The following ZNF286A variants were observed in gnomAD, a reference collection of about 807,000 sequenced individuals.
ZNF286A encodes the protein zinc finger protein 286A.
In ZNF286A, 34 loss-of-function variants were observed where a neutral mutation model predicts 49.3. That is an observed-to-expected ratio of 0.69 (90% CI 0.52 to 0.92). ZNF286A has a LOEUF of 0.92. ZNF286A is among the 40% of genes least tolerant of loss of function. ZNF286A has a pLI of 0.00. For synonymous variants in ZNF286A, 155 were observed against 200.4 expected, an observed-to-expected ratio of 0.77 and a Z score of 1.91; for missense variants, 462 against 600.2, an observed-to-expected ratio of 0.77 and a Z score of 2.41.
chr17:15,710,730 C>G (rs113002719), intron 5 of ZNF286A, among the ~76,000 whole-genome samples: 1 of 146,188 alleles, frequency 6.8e-6, no homozygotes, highest in Non-Finnish European at 1.5e-5. Context: ...CTGTTTCACC[C>G]CAGAGACCTA....
At chr17:15,704,646 G>T in intron 3 of ZNF286A, 7 of 1,613,988 alleles carry the variant, frequency 4.3e-6, no homozygotes, top group Non-Finnish European at 5.9e-6. Context: ...CCACGTTCGG[G>T]TGGAAGATCT....
Position 15,700,174 on chromosome 17 carries a change from A to T in ZNF286A, c.-156A>T. Reference sequence around the variant, plus strand: ...GGACTGAGGCAGACTCCACGGTGAGAAAGAGACCCGATCTAACCCAGGCCT... The same window carrying T: ...GGACTGAGGCAGACTCCACGGTGAGTAAGAGACCCGATCTAACCCAGGCCT... On this transcript the variant is annotated 5_prime_UTR_variant, in exon 2 of 6. Coordinates refer to ENST00000583566, the MANE Select transcript of ZNF286A (RefSeq NM_001130842.2). 3.6e-6 allele frequency: 2 copies of T among 561,614 alleles called. No individual in the cohort carries two copies. Among genetic ancestry groups the T allele is most frequent in the Non-Finnish European group, 6.3e-6 (2 of 318,852 alleles). The allele number at this position is 561,614 out of a possible 1,614,324, so 34.8% of individuals were successfully genotyped here.
At chr17:15,705,512 AT>A (rs1567705198) in intron 3 of ZNF286A, among the ~76,000 whole-genome samples, 2 of 151,694 alleles carry the variant, frequency 1.3e-5, no homozygotes, top group Non-Finnish European at 2.9e-5. Context: ...TTTTTTTCCT[AT>A]TTTATTTCAT....
Position 15,717,098 on chromosome 17 carries a change from A to G in ZNF286A, c.1374A>G (p.Arg458=). 1 of 1,614,106 alleles carries G rather than the reference A, an allele frequency of 6.2e-7. No individual in the cohort carries two copies. Among genetic ancestry groups the G allele is most frequent in the Non-Finnish European group, 8.5e-7 (1 of 1,180,030 alleles). The change falls in exon 6 of 6, where the codon AGA becomes AGG. Residue 458 remains arginine (R), a synonymous_variant. Transcript: ENST00000583566. ...SRSSNFAKHQ[R]IHIGKKPYKC... is the part of the protein sequence containing the mutation. ...GCTCCAATTTTGCTAAACATCAAAGAATTCATATTGGAAAGAAACCGTACA... is the reference window on the plus strand; with the variant it reads ...GCTCCAATTTTGCTAAACATCAAAGGATTCATATTGGAAAGAAACCGTACA...
intron 4 of ZNF286A, among the ~76,000 whole-genome samples, chr17:15,706,832 T>A (rs752062835): frequency 6.6e-5 from 10 of 152,240 alleles, no homozygotes; most frequent in Non-Finnish European, 1.3e-4. Context: ...GGTTTTGCTC[T>A]GTATTAGCTT....
At chr17:15,709,759 G>A (rs1308026557) in intron 5 of ZNF286A, 23 of 1,504,144 alleles carry the variant, frequency 1.5e-5, no homozygotes, top group African/African-American at 4.2e-5. Flanking sequence ...TTTAACTACT[G>A]TGGAGTCATA....
intron 4 of ZNF286A, among the ~76,000 whole-genome samples, chr17:15,707,268 A>C (rs1401697519): frequency 6.6e-6 from 1 of 151,952 alleles, no homozygotes; most frequent in Non-Finnish European, 1.5e-5. Flanking sequence ...GTGAAACCCC[A>C]TCTCTACTAA....
chr17:15,699,822 C>T (rs560779219), intron 1 of ZNF286A, 45 bp downstream of exon 1: 289 of 702,646 alleles, frequency 4.1e-4, no homozygotes, highest in Non-Finnish European at 7.1e-4. Context: ...TCGGCCTCGG[C>T]GGTGGTTCCC....
rs1425219639 is a variant in ZNF286A, at chr17:15,716,586, A to G, written c.862A>G (p.Lys288Glu). 1.2e-6 allele frequency: 2 copies of G among 1,613,994 alleles called. No individual in the cohort carries two copies. The highest frequency in any genetic ancestry group is 2.2e-5 in the East Asian group (1 of 44,880). Reference protein sequence around the residue: ...KSFSHRANLTKHQRTHTRILF... With the variant: ...KSFSHRANLTEHQRTHTRILF... ...TTTTAGCCACAGAGCTAATTTAACTAAACACCAGAGAACTCATACTAGAAT... is the reference window on the plus strand; with the variant it reads ...TTTTAGCCACAGAGCTAATTTAACTGAACACCAGAGAACTCATACTAGAAT... Residue 288 changes from lysine (K) to glutamate (E), a missense_variant, in exon 6 of 6, where the codon AAA becomes GAA. This residue lies in a region of ZNF286A where 201 missense variants were observed against 311.3 expected (regional missense o/e 0.65). Coordinates refer to ENST00000583566, the MANE Select transcript of ZNF286A (RefSeq NM_001130842.2).
In ZNF286A at chr17:15,716,701, A is replaced by G; in HGVS notation, c.977A>G (p.Tyr326Cys). 2 of 1,613,902 alleles carry G rather than the reference A, an allele frequency of 1.2e-6. No homozygotes were observed. The highest frequency in any genetic ancestry group is 1.1e-5 in the South Asian group (1 of 91,068). The change falls in exon 6 of 6, where the codon TAT becomes TGT. Residue 326 changes from tyrosine to cysteine, a missense_variant. Physicochemically the swap from Tyr to Cys is radical, Grantham distance 194. Transcript: ENST00000583566. ...HQRIHVGERP[Y>C]ECNECGKGFN... ...AGAATTCACGTTGGAGAGAGACCTT[A>G]TGAATGCAATGAATGTGGGAAAGGT...
chr17:15,708,779 A>C (rs72821703), intron 5 of ZNF286A, among the ~76,000 whole-genome samples: 2,164 of 152,322 alleles, frequency 0.014, 23 homozygotes, highest in Non-Finnish European at 0.021. Flanking sequence ...GCTGCATATC[A>C]TCATAATTTA....
intron 5 of ZNF286A, among the ~76,000 whole-genome samples, chr17:15,710,932 G>A (rs367907711): frequency 6.5e-5 from 7 of 107,038 alleles, no homozygotes; most frequent in Admixed American, 5.5e-4. Context: ...TTTTTTTTTT[G>A]ACGGAGTCTT....
intron 3 of ZNF286A, chr17:15,704,477 C>A: frequency 6.2e-7 from 1 of 1,613,670 alleles, no homozygotes; most frequent in South Asian, 1.1e-5. Context: ...GCATACTCCT[C>A]GGAGTTCTCC....
Position 15,716,598 on chromosome 17 carries a change from A to G in ZNF286A, c.874A>G (p.Thr292Ala), listed in dbSNP as rs766188813. The part of the protein sequence containing the change: ...HRANLTKHQR[T>A]HTRILFECSE... ...AGCTAATTTAACTAAACACCAGAGA[A>G]CTCATACTAGAATTCTCTTTGAATG... The change falls in exon 6 of 6, where the codon ACT (threonine) becomes GCT (alanine). Residue 292 changes from threonine (T) to alanine (A), a missense_variant. Around this residue, in one of 3 missense-constraint regions of ZNF286A, gnomAD observed 201 missense variants for 311.3 expected, o/e 0.65. Coordinates refer to ENST00000583566, the MANE Select transcript of ZNF286A (RefSeq NM_001130842.2). The G allele has an allele frequency of 1.9e-6, 3 of 1,613,942 alleles. No homozygotes were observed. The highest frequency in any genetic ancestry group is 2.5e-6 in the Non-Finnish European group (3 of 1,179,998).
chr17:15,708,922 G>A (rs916169559), intron 5 of ZNF286A, among the ~76,000 whole-genome samples: 4 of 151,988 alleles, frequency 2.6e-5, no homozygotes, highest in Non-Finnish European at 5.9e-5. Context: ...ATGCCTTTTG[G>A]TGAACAAATA....
chr17:15,706,537 G>C, intron 4 of ZNF286A, 36 bp downstream of exon 4: 1 of 1,460,536 alleles, frequency 6.8e-7, no homozygotes, highest in Non-Finnish European at 9.3e-7. Context: ...TCTGCTTATA[G>C]GAGCATCATT....
chr17:15,699,821 G>A (rs749212034), intron 1 of ZNF286A, 44 bp downstream of exon 1: 37 of 702,726 alleles, frequency 5.3e-5, no homozygotes, highest in Non-Finnish European at 7.8e-5. Context: ...CTCGGCCTCG[G>A]CGGTGGTTCC....
At position 15,716,219 on chromosome 17, in the gene ZNF286A, G is replaced by C. The variant is rs199562145; in HGVS notation, c.495G>C (p.Gln165His). The change falls in exon 6 of 6, where the codon CAG becomes CAC. Residue 165 changes from glutamine to histidine, a missense_variant. Gln to His is a conservative substitution (Grantham distance 24). This residue lies in a region of ZNF286A where 259 missense variants were observed against 272.2 expected (regional missense o/e 0.95). Transcript: ENST00000583566. The part of the protein sequence containing the change: ...ALECENWLEN[Q>H]QGNQERHLRE... ...AATGTGAAAATTGGTTAGAGAATCA[G>C]CAAGGAAATCAGGAGAGACATTTGA... 2.9e-4 allele frequency: 466 copies of C among 1,613,736 alleles called. 9 individuals carry two copies. The highest frequency in any genetic ancestry group is 2.3e-4 in the Non-Finnish European group (268 of 1,179,820).
intron 3 of ZNF286A, chr17:15,705,048 C>G: frequency 2.2e-6 from 1 of 447,882 alleles, no homozygotes; most frequent in Non-Finnish European, 3.7e-6. Context: ...TGACGTCCGC[C>G]GCGCACAGCG....
Sources: allele counts gnomAD v4.1 joint callset (sites outside exome capture counted in the v4.1 genomes callset), GRCh38; gene constraint gnomAD v4.1.1; regional missense constraint gnomAD v4.1.1; transcripts MANE v1.5; gene names NCBI Gene and HGNC (gene_info 2026-07-23, HGNC 2026-07-21).